The following IFT46 variants were observed in gnomAD, a reference collection of about 807,000 sequenced individuals.
The protein encoded by IFT46 is intraflagellar transport 46.
In IFT46, 19 loss-of-function variants were observed where a neutral mutation model predicts 39.6. The ratio of observed to expected loss-of-function variants is 0.48; its 90% CI spans 0.33 to 0.70. The LOEUF (loss-of-function observed/expected upper bound fraction) is 0.70. Among genes scored for constraint, IFT46 ranks in the 30% least tolerant of loss-of-function variants. IFT46 has a pLI of 0.01. For missense variants in IFT46, 334 were observed against 364.8 expected, an observed-to-expected ratio of 0.92 and a Z score of 0.69; for synonymous variants, 117 against 134.8, an observed-to-expected ratio of 0.87 and a Z score of 0.91.
At chr11:118,557,604 G>T in intron 3 of IFT46, 2 of 1,076,520 alleles carry the variant, frequency 1.9e-6, no homozygotes. Context: ...TTCCATTTTT[G>T]TTCAGTGATA....
Position 118,544,822 on chromosome 11 carries a change from T to C in IFT46, c.*94A>G. ...ACTGCCCCTGAGCCAAGCTGTGGCA[T>C]GGGCAAGGACATCAAGTAGCTGACA... On this transcript the variant is annotated 3_prime_UTR_variant, in exon 12 of 12. Transcript: ENST00000264021. 1 of 864,364 alleles carries C rather than the reference T, an allele frequency of 1.2e-6. No individual in the cohort carries two copies. The highest frequency in any genetic ancestry group is 2.0e-5 in the Admixed American group (1 of 50,670). The allele number at this position is 864,364 out of a possible 1,614,324, so 53.5% of individuals were successfully genotyped here.
rs1162034303 is a variant in IFT46 at position 118,551,794 on chromosome 11, A to G, written c.664T>C (p.Leu222=). ...TGCTACCTTCCACTCACCTTGCCCA[A>G]AAGCTCTTCAAACTCCGGGGACCAT... is the stretch of plus-strand genomic sequence containing the variant. ...QEWSPEFEEL[L]GKVSLPTAEI... Residue 222 remains leucine (L), a synonymous_variant, in exon 9 of 12, where the codon TTG becomes CTG. Coordinates refer to ENST00000264021, the MANE Select transcript of IFT46 (RefSeq NM_001168618.2). The G allele has an allele frequency of 8.7e-6, 14 of 1,613,962 alleles. No individual in the cohort carries two copies. In the South Asian group the frequency reaches 1.3e-4, roughly 15 times the overall value.
intron 1 of IFT46, chr11:118,572,358 C>T: frequency 6.2e-6 from 1 of 161,804 alleles, no homozygotes; most frequent in South Asian, 2.0e-4. Flanking sequence ...GCCCCCCCCC[C>T]CGCCCTTTGA....
chr11:118,563,532 C>A (rs976843421), intron 2 of IFT46, among the ~76,000 whole-genome samples: 2 of 152,158 alleles, frequency 1.3e-5, no homozygotes, highest in Non-Finnish European at 2.9e-5. Flanking sequence ...AGTGATTCTG[C>A]GACAATGTCT....
intron 4 of IFT46, 57 bp from the exon 5 acceptor site, chr11:118,555,379 G>C (rs1366939790): frequency 1.5e-6 from 2 of 1,312,830 alleles, no homozygotes; most frequent in Admixed American, 3.4e-5. Context: ...AGGTGGCAGG[G>C]TCCTAGGTGC....
At chr11:118,572,456 A>T (rs1003167179) in intron 1 of IFT46, 498 of 1,360,056 alleles carry the variant, frequency 3.7e-4, no homozygotes, top group Middle Eastern at 5.5e-4. Flanking sequence ...AGGGGGCAGC[A>T]GGTCCAGAGC....
intron 10 of IFT46, 60 bp downstream of exon 10, chr11:118,545,733 C>A: frequency 2.6e-6 from 4 of 1,542,650 alleles, no homozygotes. Context: ...ACAAGCCTGT[C>A]CAAAAGCCTA....
chr11:118,551,894 A>AT, intron 8 of IFT46, 42 bp from the exon 9 acceptor site: 1 of 1,543,754 alleles, frequency 6.5e-7, no homozygotes, highest in Non-Finnish European at 9.0e-7. Context: ...ACGTGAACTG[A>AT]TAACATCAGC....
upstream of IFT46, among the ~76,000 whole-genome samples, chr11:118,573,127 G>A (rs1400846832): frequency 1.3e-5 from 2 of 152,200 alleles, no homozygotes; most frequent in Non-Finnish European, 2.9e-5. Flanking sequence ...GGACCCAAGT[G>A]TCTCTGAAAC....
intron 9 of IFT46, chr11:118,546,493 AAAGG>A (rs782037014): frequency 8.5e-5 from 19 of 224,666 alleles, no homozygotes; most frequent in Non-Finnish European, 1.5e-4. Context: ...CTGTAAAAAA[AAAGG>A]AAGGAAGGGA....
Position 118,557,012 on chromosome 11 carries a change from G to A in IFT46, c.79C>T (p.Arg27Trp), listed in dbSNP as rs142901726. The change falls in exon 4 of 12, where the codon CGG becomes TGG. Residue 27 changes from arginine to tryptophan, a missense_variant. By Grantham distance (101) the Arg-to-Trp change is moderately radical (BLOSUM62 -3). Transcript: ENST00000264021. The part of the protein sequence containing the change: ...KKKTSQLTPQ[R>W]GFSENEDDDD... ...TCATCCTCATTTTCACTAAAGCCCCGTTGAGGTGTCAACTGTGAGGTCTTC... is the reference window on the plus strand; with the variant it reads ...TCATCCTCATTTTCACTAAAGCCCCATTGAGGTGTCAACTGTGAGGTCTTC... 4.0e-3 allele frequency: 6,384 copies of A among 1,611,348 alleles called. 23 individuals are homozygous for A. Among genetic ancestry groups the A allele is most frequent in the South Asian group, 6.6e-3 (595 of 90,562 alleles).
upstream of IFT46, among the ~76,000 whole-genome samples, chr11:118,568,550 AAAATAAAT>A (rs1251269008): frequency 1.3e-5 from 2 of 152,052 alleles, no homozygotes; most frequent in Admixed American, 6.6e-5. Flanking sequence ...AGACTGTCTC[AAAATAAAT>A]AAATAAATAA....
intron 7 of IFT46, among the ~76,000 whole-genome samples, chr11:118,552,737 G>A (rs1347167686): frequency 6.6e-6 from 1 of 151,704 alleles, no homozygotes; most frequent in African/African-American, 2.4e-5. Context: ...AGGTTGCAGT[G>A]AGCTACGACT....
At chr11:118,576,577 TTAATG>T (rs1327702604), upstream of IFT46, among the ~76,000 whole-genome samples, 11 of 152,108 alleles carry the variant, frequency 7.2e-5, no homozygotes, top group Admixed American at 4.6e-4. Flanking sequence ...CCAGTAAACA[TTAATG>T]TAAAGAGGTT....
intron 9 of IFT46, 32 bp from the exon 10 acceptor site, chr11:118,545,885 AG>A: frequency 6.2e-7 from 1 of 1,604,394 alleles, no homozygotes; most frequent in Non-Finnish European, 8.5e-7. Context: ...CAAAGTCAAA[AG>A]GATGGTGTCA....
chr11:118,554,357 C>T (rs1555068999), intron 7 of IFT46, 102 bp downstream of exon 7: 19 of 1,227,434 alleles, frequency 1.5e-5, no homozygotes, highest in Non-Finnish European at 1.1e-6. Context: ...CACCCAGGCC[C>T]ATCTCTTTTG....
At chr11:118,568,020 T>C (rs1555071805), upstream of IFT46, among the ~76,000 whole-genome samples, 2 of 152,212 alleles carry the variant, frequency 1.3e-5, no homozygotes, top group East Asian at 1.9e-4. Context: ...ACTGCCACTA[T>C]GGGACTCCTC....
intron 4 of IFT46, among the ~76,000 whole-genome samples, chr11:118,555,858 G>A (rs1937812917): frequency 6.6e-6 from 1 of 151,804 alleles, no homozygotes; most frequent in Non-Finnish European, 1.5e-5. Context: ...GGAAGGCAGA[G>A]GTTGCAGTGA....
chr11:118,545,468 T>C lies in IFT46; in HGVS notation c.760A>G (p.Ser254Gly). 6.2e-7 allele frequency: 1 copy of C among 1,613,704 alleles called. No individual in the cohort carries two copies. The highest frequency in any genetic ancestry group is 1.1e-5 in the South Asian group (1 of 91,070). ...CAILDIPVYK[S>G]RIQSLHLLFS... is the part of the protein sequence containing the mutation. ...AGCAGATGGAGGGACTGGATCCGAC[T>C]CTTGTAGACAGGGATGTCTAGAATG... Residue 254 changes from serine (S) to glycine (G), a missense_variant, in exon 11 of 12, where the codon AGT (serine) becomes GGT (glycine). Physicochemically the swap from Ser to Gly is moderately conservative, Grantham distance 56 (BLOSUM62 0). Coordinates refer to ENST00000264021, the MANE Select transcript of IFT46 (RefSeq NM_001168618.2).
Sources: allele counts gnomAD v4.1 joint callset (sites outside exome capture counted in the v4.1 genomes callset), GRCh38; gene constraint gnomAD v4.1.1; transcripts MANE v1.5; gene names NCBI Gene and HGNC (gene_info 2026-07-23, HGNC 2026-07-21).